The following ABTB3 variants were observed in gnomAD, a reference collection of about 807,000 sequenced individuals.
ABTB3 encodes the protein ankyrin repeat- and BTB/POZ domain-containing protein 3.
chr12:107,541,429 TTC>T, the ABTB3 span, among the ~76,000 whole-genome samples: 7 of 151,892 alleles, frequency 4.6e-5, no homozygotes, highest in South Asian at 2.1e-4. Context: ...CCAACAGGAT[TTC>T]TCTCTCTCTC....
chr12:107,403,821 A>C, the ABTB3 span, among the ~76,000 whole-genome samples: 1 of 152,048 alleles, frequency 6.6e-6, no homozygotes, highest in Non-Finnish European at 1.5e-5. Flanking sequence ...AACTCTAAAA[A>C]TGCCAGGGAG....
the ABTB3 span, among the ~76,000 whole-genome samples, chr12:107,405,964 C>T: frequency 0.16 from 24,714 of 152,120 alleles, 3,931 homozygotes; most frequent in East Asian, 0.42. Context: ...CCTTGGAAAG[C>T]CTGTACTTTC....
the ABTB3 span, among the ~76,000 whole-genome samples, chr12:107,346,093 G>A: frequency 3.9e-5 from 6 of 152,202 alleles, no homozygotes; most frequent in African/African-American, 1.2e-4. Flanking sequence ...TGAGAGTGGC[G>A]TGGAGCGGAG....
At chr12:107,614,462 G>A in the ABTB3 span, among the ~76,000 whole-genome samples, 1 of 152,114 alleles carries the variant, frequency 6.6e-6, no homozygotes, top group African/African-American at 2.4e-5. Flanking sequence ...TGGCTTGAAA[G>A]CTGAAAGCAG....
chr12:107,431,634 C>G, the ABTB3 span, among the ~76,000 whole-genome samples: 7 of 152,116 alleles, frequency 4.6e-5, no homozygotes, highest in South Asian at 2.1e-4. Flanking sequence ...GCACCCGCCC[C>G]CAAAAAAAGT....
At chr12:107,626,245 A>G in the ABTB3 span, among the ~76,000 whole-genome samples, 4 of 152,120 alleles carry the variant, frequency 2.6e-5, no homozygotes, top group Non-Finnish European at 2.9e-5. Context: ...TGCACTTTGC[A>G]AAAGGGTTAG....
chr12:107,455,451 G>A, the ABTB3 span, among the ~76,000 whole-genome samples: 2 of 149,996 alleles, frequency 1.3e-5, no homozygotes, highest in Non-Finnish European at 3.0e-5. Context: ...TTTTTTTTTG[G>A]TGTTGTTTCC....
chr12:107,341,113 T>A, the ABTB3 span, among the ~76,000 whole-genome samples: 1 of 152,186 alleles, frequency 6.6e-6, no homozygotes, highest in Non-Finnish European at 1.5e-5. Context: ...GAGCCAAGGA[T>A]GCACTGTTAG....
the ABTB3 span, among the ~76,000 whole-genome samples, chr12:107,342,427 A>G: frequency 6.6e-6 from 1 of 152,018 alleles, no homozygotes; most frequent in African/African-American, 2.4e-5. Flanking sequence ...TGCTGTTGTC[A>G]CTGTTATCCC....
the ABTB3 span, among the ~76,000 whole-genome samples, chr12:107,455,522 A>G: frequency 7.9e-5 from 12 of 151,674 alleles, no homozygotes; most frequent in Admixed American, 7.2e-4. Flanking sequence ...TGCTTCCTCC[A>G]TGCCTATTCC....
the ABTB3 span, chr12:107,319,705 C>T: frequency 2.4e-4 from 364 of 1,533,262 alleles, no homozygotes; most frequent in Non-Finnish European, 3.0e-4. Flanking sequence ...TCGTGGCCTC[C>T]GGGGTGCCCC....
chr12:107,520,462 T>C, the ABTB3 span: 1 of 1,607,038 alleles, frequency 6.2e-7, no homozygotes, highest in South Asian at 1.1e-5. Context: ...TTTCCTTTCA[T>C]TCTCTGTCTC....
chr12:107,398,133 G>C, the ABTB3 span, among the ~76,000 whole-genome samples: 1 of 152,042 alleles, frequency 6.6e-6, no homozygotes, highest in African/African-American at 2.4e-5. Context: ...TACACAGCCT[G>C]GCCACCTTGC....
the ABTB3 span, chr12:107,520,490 T>A: frequency 6.2e-7 from 1 of 1,613,922 alleles, no homozygotes; most frequent in Non-Finnish European, 8.5e-7. Context: ...ACTGCAGGGG[T>A]GCTGTGCCTA....
At chr12:107,423,597 G>A in the ABTB3 span, among the ~76,000 whole-genome samples, 1 of 152,176 alleles carries the variant, frequency 6.6e-6, no homozygotes, top group Non-Finnish European at 1.5e-5. Context: ...GGTTGGTGAT[G>A]AGAAAAAGCA....
the ABTB3 span, among the ~76,000 whole-genome samples, chr12:107,557,931 C>T: frequency 1.1e-3 from 171 of 152,216 alleles, no homozygotes; most frequent in African/African-American, 3.4e-3. Flanking sequence ...GGGGGGACTC[C>T]GGGAGGCCTC....
At chr12:107,579,844 C>T in the ABTB3 span, among the ~76,000 whole-genome samples, 2 of 152,236 alleles carry the variant, frequency 1.3e-5, no homozygotes, top group African/African-American at 4.8e-5. Flanking sequence ...TGCTGAATGG[C>T]AGGAAACCTT....
chr12:107,431,465 C>T, the ABTB3 span, among the ~76,000 whole-genome samples: 44 of 152,142 alleles, frequency 2.9e-4, no homozygotes, highest in Middle Eastern at 3.4e-3. Flanking sequence ...AAAAATTAGC[C>T]GGGCGTGGTG....
chr12:107,626,786 G>A, the ABTB3 span, among the ~76,000 whole-genome samples: 29 of 152,188 alleles, frequency 1.9e-4, no homozygotes, highest in African/African-American at 6.0e-4. Context: ...TCTAAGGAGT[G>A]GTCTAATCTC....
Sources: allele counts gnomAD v4.1 joint callset (sites outside exome capture counted in the v4.1 genomes callset), GRCh38; gene constraint gnomAD v4.1.1; transcripts MANE v1.5; gene names NCBI Gene and HGNC (gene_info 2026-07-23, HGNC 2026-07-21).